Variants in PRKAB1 observed in about 807,000 individuals in gnomAD.
The protein encoded by PRKAB1 is protein kinase AMP-activated non-catalytic subunit beta 1.
PRKAB1 carries 18 observed loss-of-function variants against 32.0 expected under a neutral mutation model. That is an observed-to-expected ratio of 0.56 (90% CI 0.39 to 0.83). The LOEUF (loss-of-function observed/expected upper bound fraction) is 0.83, where lower values mean the gene tolerates loss of function less well. Ranked by LOEUF, PRKAB1 falls within the 40% of genes least tolerant of loss-of-function variation. The pLI is 0.00. For missense variants in PRKAB1, 263 were observed against 352.6 expected (o/e 0.75, Z 2.03); for synonymous variants, 141 against 141.4 (o/e 1.00, Z 0.02).
At chr12:119,669,571 C>T (rs989050171) in intron 1 of PRKAB1, 12 of 147,924 alleles carry the variant, frequency 8.1e-5, no homozygotes, top group Admixed American at 4.0e-4. Flanking sequence ...ACCCACCCTA[C>T]TTATTTTTTT....
At chr12:119,670,904 G>C (rs1445230034) in intron 1 of PRKAB1, among the ~76,000 whole-genome samples, 1 of 152,228 alleles carries the variant, frequency 6.6e-6, no homozygotes, top group Non-Finnish European at 1.5e-5. Flanking sequence ...CGGTATTTGA[G>C]ATGAAGGTGC....
intron 1 of PRKAB1, among the ~76,000 whole-genome samples, chr12:119,671,007 A>G (rs1955384166): frequency 6.6e-6 from 1 of 152,218 alleles, no homozygotes; most frequent in African/African-American, 2.4e-5. Flanking sequence ...AAAATCTAAA[A>G]GGTGCATGAC....
At chr12:119,677,761 G>GTT (rs58948706) in intron 5 of PRKAB1, 5,789 of 99,510 alleles carry the variant, frequency 0.058, 458 homozygotes, top group Non-Finnish European at 0.076. Context: ...AGTGAGGTTT[G>GTT]TTTTTTTTTT....
chr12:119,668,157 A>T lies in PRKAB1; in HGVS notation c.-88A>T. ...CGACTCCTTCCGCAGGCTCCTTGGG[A>T]CCCGCGGTTCCGGGAGTCCCTTGCT... On this transcript the variant is annotated 5_prime_UTR_variant, in exon 1 of 7. Coordinates refer to ENST00000229328, the MANE Select transcript of PRKAB1 (RefSeq NM_006253.5). 7.3e-7 allele frequency: 1 copy of T among 1,374,042 alleles called. No individual in the cohort carries two copies. Among genetic ancestry groups the T allele is most frequent in the Non-Finnish European group, 9.5e-7 (1 of 1,057,790 alleles). 85.1% of individuals were successfully genotyped at this position (1,374,042 alleles called of 1,614,324 possible).
rs1324197388 is a variant in PRKAB1, at chr12:119,681,575, C to G, written c.*1250C>G. The G allele has an allele frequency of 6.6e-6, 1 of 152,196 alleles. No homozygotes were observed. The highest frequency in any genetic ancestry group is 1.5e-5 in the Non-Finnish European group (1 of 68,040). The allele number at this position is 152,196 out of a possible 1,614,324, so 9.4% of individuals were successfully genotyped here. ...TGTGACTTTTCAAAACAGTGAATTA[C>G]TGTCACCTTGATGGACAAGTTTCAA... is the stretch of plus-strand genomic sequence containing the variant. On this transcript the variant is annotated 3_prime_UTR_variant, in exon 7 of 7. Transcript: ENST00000229328.
chr12:119,673,771 A>G (rs1955403963), intron 2 of PRKAB1, 193 bp from the exon 3 acceptor site: 1 of 480,232 alleles, frequency 2.1e-6, no homozygotes, highest in African/African-American at 2.0e-5. Context: ...ACTGTGTCGC[A>G]CTGCTGCTTC....
chr12:119,668,240 C>A lies in PRKAB1; in HGVS notation c.-5C>A. 12 of 1,583,264 alleles carry A rather than the reference C, an allele frequency of 7.6e-6. No individual in the cohort carries two copies. The highest frequency in any genetic ancestry group is 1.0e-5 in the Non-Finnish European group (12 of 1,168,890). The stretch of plus-strand genomic sequence containing the variant: ...GCCTTCCCTGTGTCCCCGCAGACCC[C>A]CATCATGGGCAATACCAGCAGTGAG... On this transcript the variant is annotated 5_prime_UTR_variant, in exon 1 of 7. Coordinates refer to ENST00000229328, the MANE Select transcript of PRKAB1 (RefSeq NM_006253.5).
At chr12:119,670,295 TTAA>T (rs1480875373) in intron 1 of PRKAB1, among the ~76,000 whole-genome samples, 36 of 152,354 alleles carry the variant, frequency 2.4e-4, no homozygotes, top group African/African-American at 8.7e-4. Flanking sequence ...CAATTTCATG[TTAA>T]TCATCATCCA....
chr12:119,681,072 G>T lies in PRKAB1; in HGVS notation c.*747G>T, dbSNP rs973346425. 6 of 152,560 alleles carry T rather than the reference G, an allele frequency of 3.9e-5. No homozygotes were observed. Among genetic ancestry groups the T allele is most frequent in the African/African-American group, 1.2e-4 (5 of 41,438 alleles). The allele number at this position is 152,560 out of a possible 1,614,324, so 9.5% of individuals were successfully genotyped here. A position where few individuals can be genotyped will look rare whatever the true frequency, so the allele number is the denominator to read the frequency against. ...GAACAGACTTTTCAACCTGCTGCCG[G>T]ATTTCTCCATTCAGCTGGATGATCC... On this transcript the variant is annotated 3_prime_UTR_variant, in exon 7 of 7. Coordinates refer to ENST00000229328, the MANE Select transcript of PRKAB1 (RefSeq NM_006253.5).
chr12:119,669,614 T>C (rs1341878838), intron 1 of PRKAB1: 1 of 151,178 alleles, frequency 6.6e-6, no homozygotes, highest in Non-Finnish European at 1.5e-5. Flanking sequence ...TCTCACTCTG[T>C]TGCCCAGGCT....
In PRKAB1 at chr12:119,681,565, CAG is replaced by C. The variant is rs1259098659; in HGVS notation, c.*1241_*1242del. The C allele has an allele frequency of 1.3e-5, 2 of 152,166 alleles. No homozygotes were observed. Among genetic ancestry groups the C allele is most frequent in the Non-Finnish European group, 2.9e-5 (2 of 68,034 alleles). 9.4% of individuals were successfully genotyped at this position (152,166 alleles called of 1,614,324 possible). On this transcript the variant is annotated 3_prime_UTR_variant, in exon 7 of 7. Coordinates refer to ENST00000229328, the MANE Select transcript of PRKAB1 (RefSeq NM_006253.5). Reference sequence around the variant, plus strand: ...TACCCTTTTTTGTGACTTTTCAAAACAGTGAATTACTGTCACCTTGATGGACA... The same window carrying C: ...TACCCTTTTTTGTGACTTTTCAAAACTGAATTACTGTCACCTTGATGGACA...
chr12:119,672,532 A>G, intron 2 of PRKAB1, 68 bp downstream of exon 2: 1 of 1,400,820 alleles, frequency 7.1e-7, no homozygotes, highest in Non-Finnish European at 9.4e-7. Context: ...AACATCTCTG[A>G]GAGAGAACAG....
At position 119,672,369 on chromosome 12, in the gene PRKAB1, G is replaced by C; in HGVS notation, c.228G>C (p.Gln76His). ...DLEVNDKAPA[Q>H]ARPTVFRWTG... ...AAGTGAATGATAAAGCTCCCGCCCA[G>C]GCTCGGCCAACGGTGTTTCGATGGA... is the stretch of plus-strand genomic sequence containing the variant. Residue 76 changes from glutamine (Q) to histidine (H), a missense_variant, in exon 2 of 7, where the codon CAG becomes CAC. Gln to His is a conservative substitution (Grantham distance 24). Coordinates refer to ENST00000229328, the MANE Select transcript of PRKAB1 (RefSeq NM_006253.5). The C allele has an allele frequency of 6.2e-7, 1 of 1,613,202 alleles. No homozygotes were observed. The highest frequency in any genetic ancestry group is 8.5e-7 in the Non-Finnish European group (1 of 1,179,654).
rs1955456386 is a variant in PRKAB1 at position 119,680,408 on chromosome 12, T to C, written c.*83T>C. On this transcript the variant is annotated 3_prime_UTR_variant, in exon 7 of 7. Transcript: ENST00000229328. The stretch of plus-strand genomic sequence containing the variant: ...ATGCTTTCCCCAAGAGGGAATGGAC[T>C]GTACATTGCTCATTTCACACTCTTC... 2.3e-6 allele frequency: 3 copies of C among 1,326,042 alleles called. No individual in the cohort carries two copies. The highest frequency in any genetic ancestry group is 3.2e-6 in the Non-Finnish European group (3 of 931,322). The allele number at this position is 1,326,042 out of a possible 1,614,324, so 82.1% of individuals were successfully genotyped here. A position where few individuals can be genotyped will look rare whatever the true frequency, so the allele number is the denominator to read the frequency against.
intron 4 of PRKAB1, 111 bp from the exon 5 acceptor site, chr12:119,676,426 T>C: frequency 7.7e-7 from 1 of 1,294,500 alleles, no homozygotes; most frequent in African/African-American, 1.5e-5. Flanking sequence ...AGAATGTAAA[T>C]CTGCATTGAG....
Position 119,676,374 on chromosome 12 carries a change from TCTC to T in PRKAB1, c.533-159_533-157del, listed in dbSNP as rs559115035. On this transcript the variant is annotated intron_variant, in intron 4 of 6. Coordinates refer to ENST00000229328, the MANE Select transcript of PRKAB1 (RefSeq NM_006253.5). ...CCCAGATTCCAAAAGGGTTTTCTCC[TCTC>T]CTCTATTCTGCACTCTTGGAACCAG... 6.6e-5 allele frequency among the ~76,000 whole-genome samples: 10 copies of T among 152,312 alleles called. No homozygotes were observed. In the South Asian group the frequency reaches 1.5e-3, roughly 22 times the overall value.
At position 119,668,271 on chromosome 12, in the gene PRKAB1, C is replaced by G. The variant is rs373617259; in HGVS notation, c.27C>G (p.Ala9=). 1.2e-6 allele frequency: 2 copies of G among 1,607,564 alleles called. No individual in the cohort carries two copies. Among genetic ancestry groups the G allele is most frequent in the Admixed American group, 1.7e-5 (1 of 58,170 alleles). MGNTSSER[A]ALERHGGHKT... ...TGGGCAATACCAGCAGTGAGCGCGC[C>G]GCGCTGGAGCGGCATGGTGGCCATA... is the stretch of plus-strand genomic sequence containing the variant. Residue 9 remains alanine, a synonymous_variant, in exon 1 of 7, where the codon GCC becomes GCG. Coordinates refer to ENST00000229328, the MANE Select transcript of PRKAB1 (RefSeq NM_006253.5).
At chr12:119,668,439 C>G (rs995083411) in intron 1 of PRKAB1, 36 bp downstream of exon 1, 5 of 1,607,062 alleles carry the variant, frequency 3.1e-6, no homozygotes, top group Non-Finnish European at 4.2e-6. Flanking sequence ...TTCCCCTTGA[C>G]TAATGTTGAG....
intron 1 of PRKAB1, chr12:119,669,608 A>G (rs111334269): frequency 0.013 from 1,635 of 122,868 alleles, 28 homozygotes; most frequent in African/African-American, 0.049. Context: ...ATGGAGTCTC[A>G]CTCTGTTGCC....
Sources: allele counts gnomAD v4.1 joint callset (sites outside exome capture counted in the v4.1 genomes callset), GRCh38; gene constraint gnomAD v4.1.1; transcripts MANE v1.5; gene names NCBI Gene and HGNC (gene_info 2026-07-23, HGNC 2026-07-21).